Variants in SPPL3 observed in about 807,000 individuals in gnomAD.
The protein encoded by SPPL3 is signal peptide peptidase like 3.
Under a neutral mutation model 42.4 loss-of-function variants are expected in SPPL3, and 5 were observed. The ratio of observed to expected loss-of-function variants is 0.12; its 90% CI spans 0.06 to 0.25. The LOEUF (loss-of-function observed/expected upper bound fraction) is 0.25. Ranked by LOEUF, SPPL3 falls within the 10% of genes least tolerant of loss-of-function variation. The probability of loss-of-function intolerance (pLI) is 1.00; values close to 1 mark genes in which losing one functional copy is unlikely to be tolerated. For synonymous variants in SPPL3, 195 were observed against 181.8 expected, an observed-to-expected ratio of 1.07 and a Z score of -0.58; for missense variants, 235 against 489.0, an observed-to-expected ratio of 0.48 and a Z score of 4.90.
intron 2 of SPPL3, among the ~76,000 whole-genome samples, chr12:120,802,345 A>ATGTG (rs1870329188): frequency 6.8e-6 from 1 of 147,500 alleles, no homozygotes; most frequent in African/African-American, 2.5e-5. Context: ...ATATGTATGT[A>ATGTG]TGTATGTATG....
intron 1 of SPPL3, among the ~76,000 whole-genome samples, chr12:120,876,538 A>C (rs1239368859): frequency 6.9e-6 from 1 of 145,246 alleles, no homozygotes; most frequent in African/African-American, 2.5e-5. Flanking sequence ...AATGGCGTGA[A>C]CCTGGGAGGC....
At chr12:120,789,124 A>C (rs763547330) in intron 3 of SPPL3, among the ~76,000 whole-genome samples, 2 of 152,228 alleles carry the variant, frequency 1.3e-5, no homozygotes, top group Non-Finnish European at 2.9e-5. Flanking sequence ...AATGTTGTCA[A>C]GGATAATTTA....
intron 2 of SPPL3, among the ~76,000 whole-genome samples, chr12:120,806,103 CTTACT>C (rs1870480231): frequency 6.7e-6 from 1 of 150,094 alleles, no homozygotes; most frequent in African/African-American, 2.4e-5. Flanking sequence ...AAGAACAACA[CTTACT>C]TTAAACGCGA....
chr12:120,892,568 A>AC (rs1873673410), intron 1 of SPPL3, among the ~76,000 whole-genome samples: 1 of 152,198 alleles, frequency 6.6e-6, no homozygotes, highest in Admixed American at 6.5e-5. Context: ...AACACGTAAT[A>AC]TTTAAAGGAA....
intron 1 of SPPL3, among the ~76,000 whole-genome samples, chr12:120,859,228 G>A (rs1040805337): frequency 1.3e-5 from 2 of 152,080 alleles, no homozygotes; most frequent in African/African-American, 4.8e-5. Flanking sequence ...GTTGAACACT[G>A]CAAATCCAAA....
At chr12:120,797,806 A>G (rs1870155378) in intron 2 of SPPL3, among the ~76,000 whole-genome samples, 1 of 152,154 alleles carries the variant, frequency 6.6e-6, no homozygotes, top group Middle Eastern at 3.2e-3. Flanking sequence ...TCACACTGAT[A>G]ATGATCTTAA....
intron 1 of SPPL3, among the ~76,000 whole-genome samples, chr12:120,897,647 C>T (rs543525712): frequency 3.3e-5 from 5 of 152,148 alleles, no homozygotes; most frequent in Non-Finnish European, 2.9e-5. Context: ...GGCGTGAACC[C>T]GGAAGGCGGA....
At chr12:120,773,057 TAGTC>T (rs1359992117) in intron 6 of SPPL3, among the ~76,000 whole-genome samples, 2 of 152,338 alleles carry the variant, frequency 1.3e-5, no homozygotes, top group African/African-American at 4.8e-5. Context: ...TGAAATGTAT[TAGTC>T]AGTGAGGCTT....
chr12:120,850,509 A>C (rs201760701), intron 1 of SPPL3, among the ~76,000 whole-genome samples: 1,971 of 151,316 alleles, frequency 0.013, 35 homozygotes, highest in African/African-American at 0.042. Context: ...AAAAAAAAAA[A>C]AAAACAAAAG....
At position 120,873,009 on chromosome 12, in the gene SPPL3, T is replaced by G. The variant is rs545532769; in HGVS notation, c.23+30836A>C. Reference sequence around the variant, plus strand: ...AAAGACCCATATCCAGATGAAAAATTAATTGAAATAAATCTACAAATGATA... The same window carrying G: ...AAAGACCCATATCCAGATGAAAAATGAATTGAAATAAATCTACAAATGATA... On this transcript the variant is annotated intron_variant, in intron 1 of 10. Transcript: ENST00000353487. Among the ~76,000 whole-genome samples, 3 of 152,286 alleles carry G rather than the reference T, an allele frequency of 2.0e-5. No homozygotes were observed. In the South Asian group the frequency reaches 6.2e-4, roughly 32 times the overall value.
At chr12:120,889,538 C>T (rs538444796) in intron 1 of SPPL3, among the ~76,000 whole-genome samples, 1 of 152,326 alleles carries the variant, frequency 6.6e-6, no homozygotes, top group Non-Finnish European at 1.5e-5. Context: ...AAGAGCTTCC[C>T]CTATGTGGCT....
intron 1 of SPPL3, chr12:120,835,714 C>T (rs1446817426): frequency 6.6e-6 from 1 of 152,084 alleles, no homozygotes; most frequent in Non-Finnish European, 1.5e-5. Flanking sequence ...CTCTCCAAGT[C>T]GGTATTACAG....
intron 1 of SPPL3, among the ~76,000 whole-genome samples, chr12:120,844,442 C>T (rs544475509): frequency 5.3e-5 from 8 of 152,158 alleles, no homozygotes; most frequent in African/African-American, 9.7e-5. Context: ...TTAAAATCCT[C>T]TAACAGCCTC....
At chr12:120,842,853 T>C (rs1425773833) in intron 1 of SPPL3, among the ~76,000 whole-genome samples, 2 of 151,958 alleles carry the variant, frequency 1.3e-5, no homozygotes, top group African/African-American at 2.4e-5. Context: ...GCACACAGTA[T>C]TGAAAACAGA....
intron 2 of SPPL3, among the ~76,000 whole-genome samples, chr12:120,799,671 A>C (rs1870222931): frequency 6.6e-6 from 1 of 152,206 alleles, no homozygotes; most frequent in Admixed American, 6.5e-5. Context: ...AAACAAGCTT[A>C]GCTAAAATCA....
At chr12:120,857,792 GAAC>G (rs2137039632) in intron 1 of SPPL3, among the ~76,000 whole-genome samples, 1 of 152,200 alleles carries the variant, frequency 6.6e-6, no homozygotes, top group East Asian at 1.9e-4. Flanking sequence ...ACAGGGAGGG[GAAC>G]AACACACACC....
At chr12:120,768,593 G>T in intron 7 of SPPL3, 105 bp from the exon 8 acceptor site, 1 of 1,267,982 alleles carries the variant, frequency 7.9e-7, no homozygotes, top group Non-Finnish European at 1.1e-6. Flanking sequence ...TGCTGTGACT[G>T]CAATGCTTTC....
intron 1 of SPPL3, among the ~76,000 whole-genome samples, chr12:120,848,975 A>T (rs1566059795): frequency 6.6e-6 from 1 of 151,958 alleles, no homozygotes; most frequent in Non-Finnish European, 1.5e-5. Flanking sequence ...TACAAACTTG[A>T]TTACTATGTA....
intron 9 of SPPL3, 92 bp downstream of exon 9, chr12:120,767,302 T>G (rs1320179522): frequency 4.5e-6 from 6 of 1,343,682 alleles, no homozygotes; most frequent in Non-Finnish European, 6.2e-6. Flanking sequence ...TCTCCTTCCA[T>G]CCAGTAACTG....
Sources: gnomAD v4.1 joint callset for allele counts (sites outside exome capture counted in the v4.1 genomes callset) on GRCh38, gnomAD v4.1.1 for gene constraint, MANE v1.5 for transcripts, NCBI Gene and HGNC (gene_info 2026-07-23, HGNC 2026-07-21) for gene names.